Variants in FEM1C observed in about 807,000 individuals in gnomAD.
FEM1C encodes protein fem-1 homolog C.
In FEM1C, 15 loss-of-function variants were observed where a neutral mutation model predicts 37.6. The ratio of observed to expected loss-of-function variants is 0.40; its 90% CI spans 0.27 to 0.61. The LOEUF (loss-of-function observed/expected upper bound fraction) is 0.61. Ranked by LOEUF, FEM1C falls within the 20% of genes least tolerant of loss-of-function variation. The probability of loss-of-function intolerance (pLI) is 0.42; values close to 1 mark genes in which losing one functional copy is unlikely to be tolerated. For synonymous variants in FEM1C, 287 were observed against 272.8 expected (o/e 1.05, Z -0.51); for missense variants, 532 against 749.7 (o/e 0.71, Z 3.39).
chr5:115,536,926 A>G (rs1431251194), intron 2 of FEM1C, among the ~76,000 whole-genome samples: 1 of 152,028 alleles, frequency 6.6e-6, no homozygotes. Context: ...CTCGATGTTA[A>G]GTAGAATTTT....
At chr5:115,531,586 T>A (rs923094531) in intron 2 of FEM1C, among the ~76,000 whole-genome samples, 3 of 152,104 alleles carry the variant, frequency 2.0e-5, no homozygotes, top group African/African-American at 7.2e-5. Flanking sequence ...AGGTAGCATT[T>A]TAGGTTTCTA....
rs909402685 is a variant in FEM1C, at chr5:115,523,346, T to C, written c.*962A>G. ...GACTCATTAAGCTGTGTGATGAACT[T>C]TGAAGTTAAATTTAAGCAAATTCTC... On this transcript the variant is annotated 3_prime_UTR_variant, in exon 3 of 3. Coordinates refer to ENST00000274457, the MANE Select transcript of FEM1C (RefSeq NM_020177.3). 5.9e-5 allele frequency: 9 copies of C among 152,470 alleles called. No homozygotes were observed. The highest frequency in any genetic ancestry group is 7.4e-5 in the Non-Finnish European group (5 of 67,948). The allele number at this position is 152,470 out of a possible 1,614,324, so 9.4% of individuals were successfully genotyped here. A position where few individuals can be genotyped will look rare whatever the true frequency, so the allele number is the denominator to read the frequency against.
chr5:115,525,529 A>G lies in FEM1C; in HGVS notation c.633T>C (p.Asp211=). 6.2e-7 allele frequency: 1 copy of G among 1,613,592 alleles called. No individual in the cohort carries two copies. Among genetic ancestry groups the G allele is most frequent in the Non-Finnish European group, 8.5e-7 (1 of 1,179,748 alleles). The part of the protein sequence containing the change: ...LLMYCAKMEK[D]GYGMTPLLSA... The stretch of plus-strand genomic sequence containing the variant: ...AGAGAAGGGGAGTCATTCCATAACC[A>G]TCCTTTTCCATCTTGGCACAATACA... The change falls in exon 3 of 3, where the codon GAT becomes GAC. Residue 211 remains aspartate (D), a synonymous_variant. Transcript: ENST00000274457.
At chr5:115,542,563 T>TAAAA (rs56087439) in intron 2 of FEM1C, among the ~76,000 whole-genome samples, 1 of 142,444 alleles carries the variant, frequency 7.0e-6, no homozygotes, top group Non-Finnish European at 1.5e-5. Context: ...AAGGTTGTTC[T>TAAAA]AAAAAAAAAA....
chr5:115,542,230 G>A (rs1048734932), intron 2 of FEM1C, among the ~76,000 whole-genome samples: 3 of 152,078 alleles, frequency 2.0e-5, no homozygotes, highest in African/African-American at 4.8e-5. Flanking sequence ...ATCAAAAACC[G>A]GAGCCCTTCT....
chr5:115,525,022 G>A lies in FEM1C; in HGVS notation c.1140C>T (p.Ala380=). The A allele has an allele frequency of 6.2e-7, 1 of 1,613,672 alleles. No individual in the cohort carries two copies. The highest frequency in any genetic ancestry group is 8.5e-7 in the Non-Finnish European group (1 of 1,179,810). ...GTTCTGCAAAAGATAATAAGCTGCTGGCGGTCATTGGGCTTAAAGGATCCA... is the reference window on the plus strand; with the variant it reads ...GTTCTGCAAAAGATAATAAGCTGCTAGCGGTCATTGGGCTTAAAGGATCCA... ...SNLDPLSPMT[A]SSLLSFAELF... Residue 380 remains alanine (A), a synonymous_variant, in exon 3 of 3, where the codon GCC becomes GCT. Transcript: ENST00000274457.
rs1344169988 is a variant in FEM1C at position 115,522,380 on chromosome 5, A to G, written c.*1928T>C. 6.6e-6 allele frequency: 1 copy of G among 151,942 alleles called. No homozygotes were observed. The highest frequency in any genetic ancestry group is 2.4e-5 in the African/African-American group (1 of 41,432). The allele number at this position is 151,942 out of a possible 1,614,324, so 9.4% of individuals were successfully genotyped here. ...TCTTAATATATGTGACAGTTCAAATATTTCATCAAATTTTCCCACAGTGAG... is the reference window on the plus strand; with the variant it reads ...TCTTAATATATGTGACAGTTCAAATGTTTCATCAAATTTTCCCACAGTGAG... On this transcript the variant is annotated 3_prime_UTR_variant, in exon 3 of 3. Transcript: ENST00000274457.
intron 2 of FEM1C, among the ~76,000 whole-genome samples, chr5:115,529,924 A>G (rs1458754462): frequency 2.0e-5 from 3 of 152,080 alleles, no homozygotes; most frequent in Non-Finnish European, 2.9e-5. Flanking sequence ...AAAGAAGACC[A>G]AGGAACACAA....
chr5:115,543,247 C>T lies in FEM1C; in HGVS notation c.247G>A (p.Gly83Arg). Residue 83 changes from glycine (G) to arginine (R), a missense_variant, in exon 2 of 3, where the codon GGG becomes AGG. Gly to Arg is a moderately radical substitution (Grantham distance 125, BLOSUM62 -2). Transcript: ENST00000274457. Reference sequence around the variant, plus strand: ...GAAGCGGCCCATAAAGGGGGAGCCCCCTCAATGGTTTCGCCATCAAAATTG... The same window carrying T: ...GAAGCGGCCCATAAAGGGGGAGCCCTCTCAATGGTTTCGCCATCAAAATTG... ...SVNFDGETIE[G>R]APPLWAASAA... 1 of 1,614,206 alleles carries T rather than the reference C, an allele frequency of 6.2e-7. No homozygotes were observed. The highest frequency in any genetic ancestry group is 8.5e-7 in the Non-Finnish European group (1 of 1,180,024).
At position 115,543,808 on chromosome 5, in the gene FEM1C, C is replaced by T. The variant is rs537570699; in HGVS notation, c.-190-125G>A. 3.8e-6 allele frequency: 4 copies of T among 1,042,622 alleles called. No individual in the cohort carries two copies. In the Admixed American group the frequency reaches 1.8e-4, roughly 47 times the overall value. 64.6% of individuals were successfully genotyped at this position (1,042,622 alleles called of 1,614,324 possible). On this transcript the variant is annotated intron_variant, in intron 1 of 2. Transcript: ENST00000274457. ...ATACTTCAGGCACTACTCCATCCCA[C>T]ACACCCCCCCCACCCCCAAAGAAAA... is the stretch of plus-strand genomic sequence containing the variant.
Position 115,522,109 on chromosome 5 carries a change from T to G in FEM1C, c.*2199A>C, listed in dbSNP as rs1282285312. On this transcript the variant is annotated 3_prime_UTR_variant, in exon 3 of 3. Coordinates refer to ENST00000274457, the MANE Select transcript of FEM1C (RefSeq NM_020177.3). ...TGAGATGTGCCTCACTATAAGAGCA[T>G]GTAAGCCCTCCCACCCAGCCCCCAA... is the stretch of plus-strand genomic sequence containing the variant. The G allele has an allele frequency of 6.6e-6, 1 of 151,770 alleles. No individual in the cohort carries two copies. The highest frequency in any genetic ancestry group is 1.5e-5 in the Non-Finnish European group (1 of 67,800). The allele number at this position is 151,770 out of a possible 1,614,324, so 9.4% of individuals were successfully genotyped here. A position where few individuals can be genotyped will look rare whatever the true frequency, so the allele number is the denominator to read the frequency against.
chr5:115,525,005 A>G lies in FEM1C; in HGVS notation c.1157T>C (p.Phe386Ser). The G allele has an allele frequency of 6.2e-7, 1 of 1,613,752 alleles. No homozygotes were observed. Among genetic ancestry groups the G allele is most frequent in the Non-Finnish European group, 8.5e-7 (1 of 1,179,830 alleles). The change falls in exon 3 of 3, where the codon TTT becomes TCT. Residue 386 changes from phenylalanine to serine, a missense_variant. Around this residue, in one of 3 missense-constraint regions of FEM1C, gnomAD observed 221 missense variants for 404.1 expected, o/e 0.55. Coordinates refer to ENST00000274457, the MANE Select transcript of FEM1C (RefSeq NM_020177.3). The part of the protein sequence containing the change: ...SPMTASSLLS[F>S]AELFSFMLQD... Reference sequence around the variant, plus strand: ...TAGCATAAAGGAGAATAGTTCTGCAAAAGATAATAAGCTGCTGGCGGTCAT... The same window carrying G: ...TAGCATAAAGGAGAATAGTTCTGCAGAAGATAATAAGCTGCTGGCGGTCAT...
At chr5:115,525,857 A>T (rs1753880137) in intron 2 of FEM1C, among the ~76,000 whole-genome samples, 1 of 152,168 alleles carries the variant, frequency 6.6e-6, no homozygotes. Flanking sequence ...CAAAGTCACC[A>T]GAAGAAATTC....
intron 2 of FEM1C, among the ~76,000 whole-genome samples, chr5:115,534,097 T>C (rs1166331747): frequency 6.6e-6 from 1 of 151,968 alleles, no homozygotes; most frequent in African/African-American, 2.4e-5. Flanking sequence ...AATTTTCAAA[T>C]TCATAATTTA....
At chr5:115,535,284 T>TAAAAAAAA (rs5870660) in intron 2 of FEM1C, among the ~76,000 whole-genome samples, 1 of 140,032 alleles carries the variant, frequency 7.1e-6, no homozygotes, top group African/African-American at 2.6e-5. Context: ...TCAAAAAAGT[T>TAAAAAAAA]AAAAAAAAAA....
Position 115,524,537 on chromosome 5 carries a change from T to G in FEM1C, c.1625A>C (p.Asp542Ala). Residue 542 changes from aspartate (D) to alanine (A), a missense_variant, in exon 3 of 3, where the codon GAC (aspartate) becomes GCC (alanine). Physicochemically the swap from Asp to Ala is moderately radical, Grantham distance 126 (BLOSUM62 -2). Transcript: ENST00000274457. ...TGATTTAATAAGGAGATTCATGATG[T>G]CTGGATGGTTGTTAAGAGCAGCGAT... Reference protein sequence around the residue: ...LHIAALNNHPDIMNLLIKSGA... With the variant: ...LHIAALNNHPAIMNLLIKSGA... 1 of 1,613,462 alleles carries G rather than the reference T, an allele frequency of 6.2e-7. No individual in the cohort carries two copies. The highest frequency in any genetic ancestry group is 8.5e-7 in the Non-Finnish European group (1 of 1,179,662).
chr5:115,527,617 G>C (rs571259357), intron 2 of FEM1C, among the ~76,000 whole-genome samples: 1 of 152,186 alleles, frequency 6.6e-6, no homozygotes, highest in South Asian at 2.1e-4. Flanking sequence ...GTTTTTCTAA[G>C]AAATAGGCAA....
At chr5:115,539,135 G>A (rs1251160162) in intron 2 of FEM1C, among the ~76,000 whole-genome samples, 4 of 151,940 alleles carry the variant, frequency 2.6e-5, no homozygotes, top group Non-Finnish European at 4.4e-5. Flanking sequence ...TAATTACTTT[G>A]GGTATCTAAA....
At chr5:115,541,649 A>T (rs893100061) in intron 2 of FEM1C, among the ~76,000 whole-genome samples, 4 of 152,188 alleles carry the variant, frequency 2.6e-5, no homozygotes, top group Non-Finnish European at 5.9e-5. Flanking sequence ...ACTGGATGTG[A>T]CCTAAATATC....
Sources: allele counts gnomAD v4.1 joint callset (sites outside exome capture counted in the v4.1 genomes callset), GRCh38; gene constraint gnomAD v4.1.1; regional missense constraint gnomAD v4.1.1; transcripts MANE v1.5; gene names NCBI Gene and HGNC (gene_info 2026-07-23, HGNC 2026-07-21).